The following YEATS2 variants were observed in gnomAD, a reference collection of about 807,000 sequenced individuals.
YEATS2 encodes the protein YEATS domain containing 2.
Under a neutral mutation model 163.2 loss-of-function variants are expected in YEATS2, and 77 were observed. That is an observed-to-expected ratio of 0.47 (90% CI 0.39 to 0.57). The LOEUF (loss-of-function observed/expected upper bound fraction) is 0.57, where lower values mean the gene tolerates loss of function less well. Among genes scored for constraint, YEATS2 ranks in the 20% least tolerant of loss-of-function variants. YEATS2 has a pLI of 0.00. For missense variants in YEATS2, 1,549 were observed against 1,729.8 expected (o/e 0.90, Z 1.85); for synonymous variants, 631 against 645.1 (o/e 0.98, Z 0.33).
chr3:183,735,682 C>A (rs1187966566), intron 7 of YEATS2, among the ~76,000 whole-genome samples: 1 of 144,494 alleles, frequency 6.9e-6, no homozygotes, highest in Non-Finnish European at 1.5e-5. Context: ...GAGTTTCTTT[C>A]TCCTTGTCAT....
chr3:183,767,640 T>C (rs1722039303), intron 15 of YEATS2, among the ~76,000 whole-genome samples: 2 of 152,084 alleles, frequency 1.3e-5, no homozygotes, highest in South Asian at 4.1e-4. Context: ...CTTGGCCTCC[T>C]GAAGTGCTAG....
Position 183,756,690 on chromosome 3 carries a change from G to T in YEATS2, c.1552+1G>T. ...ATTGGAGCCACCACTCCCAGTACAG[G>T]TGTGTATTAGATCCATATTTGTACC... On this transcript the variant is annotated splice_donor_variant, in intron 12 of 30. Coordinates refer to ENST00000305135, the MANE Select transcript of YEATS2 (RefSeq NM_018023.5). LOFTEE classifies it high-confidence loss of function. 1 of 1,553,848 alleles carries T rather than the reference G, an allele frequency of 6.4e-7. No individual in the cohort carries two copies. Among genetic ancestry groups the T allele is most frequent in the Non-Finnish European group, 8.7e-7 (1 of 1,150,722 alleles).
At chr3:183,710,426 A>G (rs764396384) in intron 1 of YEATS2, among the ~76,000 whole-genome samples, 9 of 152,210 alleles carry the variant, frequency 5.9e-5, no homozygotes, top group Non-Finnish European at 1.2e-4. Context: ...CACATTACAC[A>G]TTATTATTCT....
At chr3:183,756,441 CACTG>C in intron 11 of YEATS2, 83 bp from the exon 12 acceptor site, 1 of 1,295,778 alleles carries the variant, frequency 7.7e-7, no homozygotes, top group African/African-American at 1.5e-5. Context: ...GTCCTGGTGG[CACTG>C]ACCTTCTTCC....
At chr3:183,710,480 T>C (rs1190561290) in intron 1 of YEATS2, among the ~76,000 whole-genome samples, 3 of 152,236 alleles carry the variant, frequency 2.0e-5, no homozygotes, top group Non-Finnish European at 4.4e-5. Flanking sequence ...ATGCCCAGTA[T>C]AGAGCTTAAT....
chr3:183,725,726 T>C (rs1456392887), intron 6 of YEATS2, among the ~76,000 whole-genome samples: 2 of 152,206 alleles, frequency 1.3e-5, no homozygotes, highest in Non-Finnish European at 2.9e-5. Context: ...AAGCTACAAT[T>C]GAAGATGAGA....
At chr3:183,729,271 CAAA>C (rs879414886) in intron 7 of YEATS2, among the ~76,000 whole-genome samples, 4 of 104,194 alleles carry the variant, frequency 3.8e-5, no homozygotes, top group South Asian at 3.0e-4. Context: ...GACTCTGTCT[CAAA>C]AAAAAAAAAA....
At chr3:183,768,541 GT>G (rs11411300) in intron 15 of YEATS2, among the ~76,000 whole-genome samples, 150 of 150,254 alleles carry the variant, frequency 1.0e-3, no homozygotes, top group Admixed American at 3.4e-3. Context: ...ATTAAGAAGG[GT>G]TTTTTTTTTC....
chr3:183,705,525 TA>T (rs983226245), intron 1 of YEATS2, among the ~76,000 whole-genome samples: 7 of 152,352 alleles, frequency 4.6e-5, no homozygotes, highest in African/African-American at 1.4e-4. Flanking sequence ...TTTATCATGT[TA>T]TTTTTTTTGC....
At chr3:183,701,085 A>T (rs9852387) in intron 1 of YEATS2, among the ~76,000 whole-genome samples, 1,500 of 142,630 alleles carry the variant, frequency 0.011, 26 homozygotes, top group African/African-American at 0.036. Flanking sequence ...ATATATATAA[A>T]TTTTTTTTTT....
chr3:183,707,676 C>CTTTTTTTT (rs1577029221), intron 1 of YEATS2, among the ~76,000 whole-genome samples: 1 of 141,146 alleles, frequency 7.1e-6, no homozygotes, highest in African/African-American at 2.9e-5. Context: ...CCTTCCCCAC[C>CTTTTTTTT]TATTTTTTTT....
chr3:183,772,166 C>T, intron 15 of YEATS2, 139 bp from the exon 16 acceptor site: 1 of 1,126,766 alleles, frequency 8.9e-7, no homozygotes. Flanking sequence ...CCGTTCACAC[C>T]TGTGTAGGTA....
intron 15 of YEATS2, among the ~76,000 whole-genome samples, chr3:183,767,987 T>A (rs1722080533): frequency 6.6e-6 from 1 of 152,232 alleles, no homozygotes. Context: ...TTGCTTTCTT[T>A]GTTTAGGAAC....
At chr3:183,778,586 C>A (rs1267155599) in intron 19 of YEATS2, among the ~76,000 whole-genome samples, 1 of 152,128 alleles carries the variant, frequency 6.6e-6, no homozygotes, top group African/African-American at 2.4e-5. Context: ...CAGCTCGTGA[C>A]CTCAGGTGAT....
At chr3:183,714,783 T>C (rs1220810364) in intron 1 of YEATS2, among the ~76,000 whole-genome samples, 2 of 152,186 alleles carry the variant, frequency 1.3e-5, no homozygotes, top group Non-Finnish European at 2.9e-5. Context: ...TCTGGTTCCT[T>C]TCCTTTCCTT....
Position 183,717,638 on chromosome 3 carries a change from G to A in YEATS2, c.101-13G>A, listed in dbSNP as rs866443846. Reference sequence around the variant, plus strand: ...TAATTAGGCCTTGGATGTATTTTATGTTCTTTGTACAGCTCGAGATGCTGC... The same window carrying A: ...TAATTAGGCCTTGGATGTATTTTATATTCTTTGTACAGCTCGAGATGCTGC... On this transcript the variant is annotated splice_polypyrimidine_tract_variant and intron_variant, in intron 2 of 30. Coordinates refer to ENST00000305135, the MANE Select transcript of YEATS2 (RefSeq NM_018023.5). 6.5e-6 allele frequency: 10 copies of A among 1,540,284 alleles called. No homozygotes were observed. In the Admixed American group the frequency reaches 1.8e-4, roughly 28 times the overall value.
At chr3:183,757,584 T>C (rs750100910) in intron 12 of YEATS2, among the ~76,000 whole-genome samples, 16 of 152,154 alleles carry the variant, frequency 1.1e-4, no homozygotes, top group Non-Finnish European at 2.2e-4. Flanking sequence ...CTGGCCCCAT[T>C]CAACCTGTAT....
Position 183,701,619 on chromosome 3 carries a change from C to A in YEATS2, c.-20+3626C>A, listed in dbSNP as rs574808659. On this transcript the variant is annotated intron_variant, in intron 1 of 30. Transcript: ENST00000305135. ...ATGTTGTCCAGGCCGGTCTTAAACT[C>A]CTGGGTTCAAGCAATCCTCCTGCTT... Among the ~76,000 whole-genome samples the A allele has an allele frequency of 2.6e-5, 4 of 152,142 alleles. No individual in the cohort carries two copies. In the East Asian group the frequency reaches 7.7e-4, roughly 29 times the overall value.
intron 4 of YEATS2, among the ~76,000 whole-genome samples, chr3:183,720,353 G>C (rs1716365005): frequency 6.6e-6 from 1 of 152,162 alleles, no homozygotes; most frequent in Admixed American, 6.5e-5. Context: ...TTGATATTTT[G>C]ATAATTTCAG....
Sources: gnomAD v4.1 joint callset for allele counts (sites outside exome capture counted in the v4.1 genomes callset) on GRCh38, gnomAD v4.1.1 for gene constraint, MANE v1.5 for transcripts, NCBI Gene and HGNC (gene_info 2026-07-23, HGNC 2026-07-21) for gene names.